EML5: variants seen among roughly 807,000 people sequenced by gnomAD.
EML5 encodes echinoderm microtubule-associated protein-like 5.
In EML5, 120 loss-of-function variants were observed where a neutral mutation model predicts 250.0. That is an observed-to-expected ratio of 0.48 (90% CI 0.41 to 0.56). The LOEUF is 0.56. Ranked by LOEUF, EML5 falls within the 20% of genes least tolerant of loss-of-function variation. The pLI is 0.00. For synonymous variants in EML5, 771 were observed against 806.5 expected (o/e 0.96, Z 0.75); for missense variants, 2,006 against 2,437.6 (o/e 0.82, Z 3.73).
chr14:88,651,022 G>T (rs1038933440), intron 27 of EML5, among the ~76,000 whole-genome samples: 1 of 151,938 alleles, frequency 6.6e-6, no homozygotes, highest in Non-Finnish European at 1.5e-5. Context: ...AATAAACCAT[G>T]AACCATATTA....
At position 88,790,602 on chromosome 14, in the gene EML5, C is replaced by T. The variant is rs571292861; in HGVS notation, c.197+1705G>A. On this transcript the variant is annotated intron_variant, in intron 1 of 43. Transcript: ENST00000554922. Reference sequence around the variant, plus strand: ...GAGTAAAAACAATACAAGTGTACCACGAGAAGACCTCAAAATCCTTCACAT... The same window carrying T: ...GAGTAAAAACAATACAAGTGTACCATGAGAAGACCTCAAAATCCTTCACAT... Among the ~76,000 whole-genome samples the T allele has an allele frequency of 9.2e-5, 14 of 152,228 alleles. No individual in the cohort carries two copies. The South Asian group carries it at 2.1e-3, about 23-fold the overall frequency.
At chr14:88,622,987 C>A in intron 36 of EML5, 4 of 266,514 alleles carry the variant, frequency 1.5e-5, no homozygotes, top group East Asian at 7.3e-5. Context: ...CTCTACAATA[C>A]ATTACAATAC....
chr14:88,622,943 C>A (rs200473832), intron 36 of EML5: 2 of 388,936 alleles, frequency 5.1e-6, no homozygotes, highest in African/African-American at 2.1e-5. Context: ...GAGAAATACT[C>A]TTTTTTTCTG....
chr14:88,746,434 T>C (rs1167640194), intron 2 of EML5, among the ~76,000 whole-genome samples, 151 bp from the exon 3 acceptor site: 1 of 152,236 alleles, frequency 6.6e-6, no homozygotes, highest in Non-Finnish European at 1.5e-5. Flanking sequence ...AAAGGCTGAA[T>C]GTATTTCACC....
At chr14:88,782,664 G>C (rs963278599) in intron 1 of EML5, among the ~76,000 whole-genome samples, 24 of 152,240 alleles carry the variant, frequency 1.6e-4, no homozygotes, top group African/African-American at 4.8e-4. Flanking sequence ...TACAGCTCAG[G>C]CCATGGCTTT....
intron 42 of EML5, 23 bp from the exon 43 acceptor site, chr14:88,616,265 C>G: frequency 6.2e-7 from 1 of 1,609,572 alleles, no homozygotes; most frequent in Non-Finnish European, 8.5e-7. Flanking sequence ...GACAGACAAG[C>G]TCAGGGCATT....
At chr14:88,745,167 T>TTGTTTGTGTGTG (rs148282706) in intron 3 of EML5, among the ~76,000 whole-genome samples, 10,169 of 145,222 alleles carry the variant, frequency 0.07, 426 homozygotes, top group Middle Eastern at 0.16. Flanking sequence ...AATTGTGTGT[T>TTGTTTGTGTGTG]TGTGTGTGTG....
In EML5 at chr14:88,757,432, C is replaced by T. The variant is rs547080401; in HGVS notation, c.198-2761G>A. On this transcript the variant is annotated intron_variant, in intron 1 of 43. Coordinates refer to ENST00000554922, the MANE Select transcript of EML5 (RefSeq NM_183387.3). ...AAGCAGTGGTTTCTCAGATATAACA[C>T]AAAGCATTAGTGACAAAAAAAAAAG... is the stretch of plus-strand genomic sequence containing the variant. 8.6e-5 allele frequency among the ~76,000 whole-genome samples: 13 copies of T among 150,532 alleles called. No individual in the cohort carries two copies. The South Asian group carries it at 2.5e-3, about 29-fold the overall frequency.
rs751427954 is a variant in EML5 at position 88,726,642 on chromosome 14, C to T, written c.1086G>A (p.Arg362=). The T allele has an allele frequency of 1.9e-6, 3 of 1,563,696 alleles. No individual in the cohort carries two copies. Among genetic ancestry groups the T allele is most frequent in the Non-Finnish European group, 1.7e-6 (2 of 1,152,784 alleles). The stretch of plus-strand genomic sequence containing the variant: ...AACGAATTGGTTCTTCCATATTACA[C>T]CTTGCTATTAATGCATGATCTACTA... ...WSLVDHALIA[R]CNMEEPIRCA... is the part of the protein sequence containing the mutation. The change falls in exon 8 of 44, where the codon AGG becomes AGA. Residue 362 remains arginine, a synonymous_variant. Transcript: ENST00000554922.
At chr14:88,729,870 G>GT (rs71130010) in intron 7 of EML5, among the ~76,000 whole-genome samples, 13,578 of 100,988 alleles carry the variant, frequency 0.13, 745 homozygotes, top group Non-Finnish European at 0.18. Flanking sequence ...CTTGTTTTTT[G>GT]TTTTTTTTTT....
chr14:88,648,529 A>AT (rs1167167685), intron 28 of EML5, among the ~76,000 whole-genome samples: 2 of 151,486 alleles, frequency 1.3e-5, no homozygotes, highest in Admixed American at 6.6e-5. Context: ...AATTTTTAAA[A>AT]TTTTTTTTGT....
intron 1 of EML5, among the ~76,000 whole-genome samples, chr14:88,761,934 C>G (rs1016079268): frequency 2.6e-5 from 4 of 152,192 alleles, no homozygotes; most frequent in African/African-American, 9.6e-5. Flanking sequence ...TTGTGTTGCT[C>G]TAATGACCAG....
At chr14:88,755,479 G>A (rs1278583403) in intron 1 of EML5, among the ~76,000 whole-genome samples, 3 of 151,202 alleles carry the variant, frequency 2.0e-5, no homozygotes, top group Non-Finnish European at 3.0e-5. Context: ...CCCATAATTC[G>A]CAAAAAAAAA....
chr14:88,740,675 T>C, intron 4 of EML5, 103 bp from the exon 5 acceptor site: 1 of 1,025,282 alleles, frequency 9.8e-7, no homozygotes, highest in Non-Finnish European at 1.4e-6. Flanking sequence ...AGCTAAAAAT[T>C]AACTAAGAAA....
chr14:88,677,350 C>A (rs1442611607), intron 21 of EML5, among the ~76,000 whole-genome samples: 1 of 152,118 alleles, frequency 6.6e-6, no homozygotes, highest in Non-Finnish European at 1.5e-5. Flanking sequence ...TATAAAAACC[C>A]TAGAAGAAAA....
intron 10 of EML5, 129 bp downstream of exon 10, chr14:88,712,142 A>C: frequency 1.5e-6 from 1 of 652,712 alleles, no homozygotes; most frequent in Non-Finnish European, 2.6e-6. Context: ...AATTAGAAAA[A>C]TGAAACCCTT....
chr14:88,737,294 G>A (rs761937854), intron 6 of EML5, among the ~76,000 whole-genome samples: 2 of 152,186 alleles, frequency 1.3e-5, no homozygotes, highest in East Asian at 1.9e-4. Flanking sequence ...CTTCAGGGCC[G>A]CTAGAGTCCC....
chr14:88,730,539 G>C (rs1201689713), intron 7 of EML5, among the ~76,000 whole-genome samples: 1 of 152,140 alleles, frequency 6.6e-6, no homozygotes, highest in East Asian at 1.9e-4. Flanking sequence ...TCCAAAAGTT[G>C]AGAATATTGG....
Position 88,745,834 on chromosome 14 carries a change from T to C in EML5, c.456+351A>G, listed in dbSNP as rs115106137. 5.8e-3 allele frequency among the ~76,000 whole-genome samples: 886 copies of C among 152,252 alleles called. 16 individuals are homozygous for C. Among genetic ancestry groups the C allele is most frequent in the African/African-American group, 0.021 (858 of 41,534 alleles). On this transcript the variant is annotated intron_variant, in intron 3 of 43. Transcript: ENST00000554922. ...ACCAGGTTAAAAGTCTTATACCTAA[T>C]GTAGATGATGGGTTGATGGGTGCAG... is the stretch of plus-strand genomic sequence containing the variant.
Sources: gnomAD v4.1 joint callset for allele counts (sites outside exome capture counted in the v4.1 genomes callset) on GRCh38, gnomAD v4.1.1 for gene constraint, MANE v1.5 for transcripts, NCBI Gene and HGNC (gene_info 2026-07-23, HGNC 2026-07-21) for gene names.